The following NUP205 variants were observed in gnomAD, a reference collection of about 807,000 sequenced individuals.
NUP205 encodes nucleoporin 205.
A neutral mutation model predicts 253.8 loss-of-function variants in NUP205; 76 were observed. That is an observed-to-expected ratio of 0.30 (90% CI 0.25 to 0.36). The LOEUF is 0.36. NUP205 is among the 10% of genes least tolerant of loss of function. The probability of loss-of-function intolerance (pLI) is 1.00; values close to 1 mark genes in which losing one functional copy is unlikely to be tolerated. For synonymous variants in NUP205, 832 were observed against 850.1 expected (o/e 0.98, Z 0.37); for missense variants, 2,162 against 2,425.5 (o/e 0.89, Z 2.28).
At chr7:135,564,584 T>A (rs1805694748) in intron 1 of NUP205, among the ~76,000 whole-genome samples, 1 of 151,724 alleles carries the variant, frequency 6.6e-6, no homozygotes, top group Non-Finnish European at 1.5e-5. Flanking sequence ...TTTTGCCATG[T>A]GACCCAGGCT....
At chr7:135,596,303 T>C (rs539237457) in intron 13 of NUP205, among the ~76,000 whole-genome samples, 168 of 152,332 alleles carry the variant, frequency 1.1e-3, no homozygotes, top group Non-Finnish European at 2.0e-3. Context: ...GAAGATGTTA[T>C]TGATACTTTG....
chr7:135,604,527 T>C, intron 19 of NUP205, 67 bp downstream of exon 19: 1 of 1,426,132 alleles, frequency 7.0e-7, no homozygotes, highest in Non-Finnish European at 9.6e-7. Flanking sequence ...ATGGAAGTTC[T>C]AGTGTCTATG....
intron 22 of NUP205, among the ~76,000 whole-genome samples, chr7:135,611,143 T>G (rs1563127923): frequency 6.6e-6 from 1 of 151,868 alleles, no homozygotes; most frequent in Non-Finnish European, 1.5e-5. Flanking sequence ...GTAGCTGGGA[T>G]TACAGGCGTC....
At chr7:135,610,539 C>A (rs986094139) in intron 22 of NUP205, among the ~76,000 whole-genome samples, 6 of 152,106 alleles carry the variant, frequency 3.9e-5, no homozygotes, top group Admixed American at 1.3e-4. Context: ...GCTCTGTGAC[C>A]TTGCTACTCA....
At chr7:135,635,975 A>G (rs1233789753) in intron 36 of NUP205, among the ~76,000 whole-genome samples, 1 of 152,180 alleles carries the variant, frequency 6.6e-6, no homozygotes, top group Non-Finnish European at 1.5e-5. Context: ...GGTTACATTA[A>G]TATTTAGTGT....
intron 3 of NUP205, among the ~76,000 whole-genome samples, chr7:135,574,822 A>G (rs1395995298): frequency 1.3e-5 from 2 of 152,226 alleles, no homozygotes; most frequent in Non-Finnish European, 1.5e-5. Context: ...AGTTTGTTTT[A>G]ATTATAATGG....
intron 24 of NUP205, among the ~76,000 whole-genome samples, 160 bp from the exon 25 acceptor site, chr7:135,616,495 C>G (rs1794361593): frequency 6.6e-6 from 1 of 152,106 alleles, no homozygotes; most frequent in Non-Finnish European, 1.5e-5. Flanking sequence ...GGTAGTAAAT[C>G]CTCATCAATC....
intron 5 of NUP205, among the ~76,000 whole-genome samples, 184 bp downstream of exon 5, chr7:135,577,312 A>G (rs1435702762): frequency 2.0e-5 from 3 of 152,110 alleles, no homozygotes; most frequent in African/African-American, 7.2e-5. Flanking sequence ...TGTATAGGGT[A>G]CAGTGTGGTA....
chr7:135,620,284 A>G (rs1794448616), intron 30 of NUP205, among the ~76,000 whole-genome samples: 2 of 152,164 alleles, frequency 1.3e-5, no homozygotes, highest in Admixed American at 1.3e-4. Flanking sequence ...CTGTAATCCT[A>G]GCACTTTGGG....
At chr7:135,648,203 CATG>C (rs1218414604) in intron 42 of NUP205, among the ~76,000 whole-genome samples, 198 bp from the exon 43 acceptor site, 2 of 152,094 alleles carry the variant, frequency 1.3e-5, no homozygotes, top group East Asian at 3.9e-4. Context: ...GCAGGAAAAA[CATG>C]AGAATTAAAC....
intron 34 of NUP205, among the ~76,000 whole-genome samples, chr7:135,629,507 C>CTCTCTCTCTCTCTCTCTA (rs1794663109): frequency 7.5e-6 from 1 of 134,116 alleles, no homozygotes; most frequent in Non-Finnish European, 1.6e-5. Context: ...CTCTCTCTCT[C>CTCTCTCTCTCTCTCTCTA]TCTGTCTCTC....
chr7:135,619,616 T>C lies in NUP205; in HGVS notation c.4157T>C (p.Val1386Ala). 1.2e-6 allele frequency: 2 copies of C among 1,614,166 alleles called. No individual in the cohort carries two copies. The highest frequency in any genetic ancestry group is 1.1e-5 in the South Asian group (1 of 91,078). The change falls in exon 29 of 43, where the codon GTG (valine) becomes GCG (alanine). Residue 1386 changes from valine (V) to alanine (A), a missense_variant. By Grantham distance (64) the Val-to-Ala change is moderately conservative. Coordinates refer to ENST00000285968, the MANE Select transcript of NUP205 (RefSeq NM_015135.3). ...TSPPPEENPL[V>A]GFASIGDSSL... ...CCTCCTCCTGAAGAGAACCCATTAG[T>C]GGGTTTTGCTTCTATTGGAGATTCT...
At chr7:135,641,327 GCT>G (rs1056999726) in intron 38 of NUP205, among the ~76,000 whole-genome samples, 2 of 152,162 alleles carry the variant, frequency 1.3e-5, no homozygotes, top group African/African-American at 4.8e-5. Flanking sequence ...GTAGGAGAAG[GCT>G]CTCTATAACA....
intron 31 of NUP205, among the ~76,000 whole-genome samples, chr7:135,623,237 C>T (rs1051610494): frequency 1.3e-5 from 2 of 152,210 alleles, no homozygotes; most frequent in African/African-American, 2.4e-5. Context: ...GAGCTGTGAT[C>T]GAGGCACTTC....
intron 32 of NUP205, among the ~76,000 whole-genome samples, 178 bp downstream of exon 32, chr7:135,625,533 TC>T (rs1187835395): frequency 7.2e-5 from 11 of 152,188 alleles, no homozygotes; most frequent in African/African-American, 2.7e-4. Flanking sequence ...AGTGAAATGA[TC>T]CTCAAAGGGA....
intron 32 of NUP205, 51 bp downstream of exon 32, chr7:135,625,406 G>T: frequency 7.5e-7 from 1 of 1,340,108 alleles, no homozygotes; most frequent in Non-Finnish European, 1.0e-6. Flanking sequence ...TTTTCTCTTG[G>T]CTATAGATGT....
chr7:135,637,860 T>G, intron 36 of NUP205, 71 bp from the exon 37 acceptor site: 2 of 1,433,458 alleles, frequency 1.4e-6, no homozygotes, highest in Non-Finnish European at 1.9e-6. Context: ...GAGTTTTTCT[T>G]GTTTCTATCC....
intron 17 of NUP205, 135 bp from the exon 18 acceptor site, chr7:135,602,670 C>T: frequency 1.4e-6 from 1 of 695,042 alleles, no homozygotes; most frequent in East Asian, 2.8e-5. Context: ...GGTTTTGCTG[C>T]TGAAAGTTGG....
intron 27 of NUP205, among the ~76,000 whole-genome samples, chr7:135,617,966 A>G (rs1794395328): frequency 6.6e-6 from 1 of 151,784 alleles, no homozygotes; most frequent in African/African-American, 2.4e-5. Flanking sequence ...GAGGAGGGTC[A>G]TTTGTCATCA....
Sources: allele counts gnomAD v4.1 joint callset (sites outside exome capture counted in the v4.1 genomes callset), GRCh38; gene constraint gnomAD v4.1.1; transcripts MANE v1.5; gene names NCBI Gene and HGNC (gene_info 2026-07-23, HGNC 2026-07-21).